DRG1: variants seen among roughly 807,000 people sequenced by gnomAD.
DRG1 encodes developmentally regulated GTP binding protein 1.
A neutral mutation model predicts 38.8 loss-of-function variants in DRG1; 19 were observed. The ratio of observed to expected loss-of-function variants is 0.49; its 90% CI spans 0.34 to 0.72. DRG1 has a LOEUF of 0.72. DRG1 is among the 30% of genes least tolerant of loss of function. The probability of loss-of-function intolerance (pLI) is 0.01; values close to 1 mark genes in which losing one functional copy is unlikely to be tolerated. For synonymous variants in DRG1, 167 were observed against 157.5 expected (o/e 1.06, Z -0.45); for missense variants, 299 against 444.8 (o/e 0.67, Z 2.95).
intron 1 of DRG1, among the ~76,000 whole-genome samples, chr22:31,399,995 A>G (rs959467338): frequency 1.3e-5 from 2 of 151,976 alleles, no homozygotes; most frequent in African/African-American, 4.8e-5. Flanking sequence ...TTAGGCCCTT[A>G]GTCCGTTCCC....
At chr22:31,401,138 G>A (rs959260275) in intron 2 of DRG1, among the ~76,000 whole-genome samples, 3 of 151,778 alleles carry the variant, frequency 2.0e-5, no homozygotes, top group African/African-American at 7.2e-5. Context: ...ATTTACATGC[G>A]CTGGGTGCAG....
chr22:31,428,401 G>T (rs1756198087), intron 8 of DRG1, among the ~76,000 whole-genome samples: 1 of 151,876 alleles, frequency 6.6e-6, no homozygotes, highest in African/African-American at 2.4e-5. Flanking sequence ...TTTCAGTAGA[G>T]ATGGGGTTTC....
rs143507501 is a variant in DRG1, at chr22:31,425,748, A to G, written c.714-867A>G. Among the ~76,000 whole-genome samples, 22 of 152,190 alleles carry G rather than the reference A, an allele frequency of 1.4e-4. No homozygotes were observed. In the East Asian group the frequency reaches 4.0e-3, roughly 28 times the overall value. On this transcript the variant is annotated intron_variant, in intron 6 of 8. Transcript: ENST00000331457. ...AAGCCACTATGCCCAGCCCATTAAT[A>G]TTACTGAGACTTTAATAAGTTAAGT... is the stretch of plus-strand genomic sequence containing the variant.
At position 31,404,532 on chromosome 22, in the gene DRG1, G is replaced by A. The variant is rs765145123; in HGVS notation, c.342+1328G>A. Among the ~76,000 whole-genome samples the A allele has an allele frequency of 4.0e-5, 6 of 151,158 alleles. No individual in the cohort carries two copies. In the East Asian group the frequency reaches 7.9e-4, roughly 20 times the overall value. On this transcript the variant is annotated intron_variant, in intron 3 of 8. Transcript: ENST00000331457. ...TGGGATTACAGGCGTGAGCCACCGC[G>A]CCTGGTCTCGCCTGCTTTAACTTCT... is the stretch of plus-strand genomic sequence containing the variant.
chr22:31,425,980 G>T (rs1384096717), intron 6 of DRG1, among the ~76,000 whole-genome samples: 3 of 152,134 alleles, frequency 2.0e-5, no homozygotes, highest in Non-Finnish European at 4.4e-5. Context: ...CTGTCATATT[G>T]ATTGGACACT....
At position 31,429,845 on chromosome 22, in the gene DRG1, G is replaced by A. The variant is rs1025719574; in HGVS notation, c.1004+2663G>A. Among the ~76,000 whole-genome samples the A allele has an allele frequency of 6.6e-5, 10 of 152,010 alleles. No homozygotes were observed. In the East Asian group the frequency reaches 7.8e-4, roughly 12 times the overall value. On this transcript the variant is annotated intron_variant, in intron 8 of 8. Transcript: ENST00000331457. ...TATTTTTTTTGTAGAGACAAGGTCC[G>A]ACTTGTGTTGCCCAGACTGGTCTCC...
chr22:31,429,974 C>T (rs1254303215), intron 8 of DRG1, among the ~76,000 whole-genome samples: 2 of 151,996 alleles, frequency 1.3e-5, no homozygotes, highest in Non-Finnish European at 2.9e-5. Context: ...GCAATGTTGC[C>T]CAGGCTTCTC....
chr22:31,431,136 G>A (rs1354017026), intron 8 of DRG1, among the ~76,000 whole-genome samples: 3 of 146,614 alleles, frequency 2.0e-5, no homozygotes, highest in African/African-American at 7.5e-5. Context: ...CCGGGTTCAT[G>A]CCATTCTCCT....
At chr22:31,409,133 C>T (rs1225157930) in intron 3 of DRG1, among the ~76,000 whole-genome samples, 7 of 151,970 alleles carry the variant, frequency 4.6e-5, no homozygotes, top group South Asian at 2.1e-4. Flanking sequence ...CTTACTCTGT[C>T]GCCCAGGCTG....
chr22:31,421,492 T>G (rs576829998), intron 5 of DRG1: 1 of 151,912 alleles, frequency 6.6e-6, no homozygotes, highest in Admixed American at 6.6e-5. Context: ...TTTGGTAGAA[T>G]AGATTTGGAG....
At chr22:31,427,662 C>G (rs1004541300) in intron 8 of DRG1, among the ~76,000 whole-genome samples, 1 of 152,154 alleles carries the variant, frequency 6.6e-6, no homozygotes, top group African/African-American at 2.4e-5. Flanking sequence ...ATCTTCTGGG[C>G]TCAAGCAGTC....
chr22:31,418,429 G>C (rs12485177), intron 4 of DRG1, among the ~76,000 whole-genome samples: 1 of 152,122 alleles, frequency 6.6e-6, no homozygotes, highest in African/African-American at 2.4e-5. Flanking sequence ...CTGCACTCCA[G>C]CCTGAGTGAC....
chr22:31,416,953 T>C (rs2050047754), intron 4 of DRG1, among the ~76,000 whole-genome samples: 1 of 150,200 alleles, frequency 6.7e-6, no homozygotes, highest in Non-Finnish European at 1.5e-5. Flanking sequence ...TAGTCCCAGC[T>C]GTTCGGGAGG....
intron 3 of DRG1, 44 bp from the exon 4 acceptor site, chr22:31,410,968 C>A: frequency 6.3e-7 from 1 of 1,591,692 alleles, no homozygotes; most frequent in Non-Finnish European, 8.6e-7. Flanking sequence ...AAATTTATAA[C>A]CAGTTTTTTC....
At chr22:31,422,164 GCTTACGCCTGTAATCCCAACA>G (rs2050080756) in intron 5 of DRG1, among the ~76,000 whole-genome samples, 1 of 151,784 alleles carries the variant, frequency 6.6e-6, no homozygotes, top group Non-Finnish European at 1.5e-5. Flanking sequence ...AGGCACGGTG[GCTTACGCCTGTAATCCCAACA>G]CTTTGGGAGG....
intron 6 of DRG1, 49 bp downstream of exon 6, chr22:31,423,459 G>C (rs2145868552): frequency 6.3e-7 from 1 of 1,594,908 alleles, no homozygotes; most frequent in Admixed American, 1.7e-5. Context: ...GAAGCCTTGT[G>C]ATGGAAACAG....
chr22:31,401,285 AC>A (rs2049959421), intron 2 of DRG1, among the ~76,000 whole-genome samples: 1 of 149,504 alleles, frequency 6.7e-6, no homozygotes, highest in African/African-American at 2.5e-5. Context: ...AAGAAGATGT[AC>A]CAAAAAAAAA....
chr22:31,431,323 T>A (rs1008539016), intron 8 of DRG1, among the ~76,000 whole-genome samples: 2 of 152,024 alleles, frequency 1.3e-5, no homozygotes, highest in African/African-American at 4.8e-5. Context: ...CGTGAGCCAC[T>A]GTGCCCGCCG....
intron 3 of DRG1, among the ~76,000 whole-genome samples, chr22:31,404,248 CTTTT>C (rs535637820): frequency 7.2e-6 from 1 of 138,244 alleles, no homozygotes; most frequent in Admixed American, 7.4e-5. Flanking sequence ...CCTTAATCTT[CTTTT>C]TTTTTTTTTT....
Sources: gnomAD v4.1 joint callset for allele counts (sites outside exome capture counted in the v4.1 genomes callset) on GRCh38, gnomAD v4.1.1 for gene constraint, MANE v1.5 for transcripts, NCBI Gene and HGNC (gene_info 2026-07-23, HGNC 2026-07-21) for gene names.